Variants in IGFBP7 observed in about 807,000 individuals in gnomAD.
The protein encoded by IGFBP7 is insulin-like growth factor-binding protein 7.
Under a neutral mutation model 29.4 loss-of-function variants are expected in IGFBP7, and 31 were observed. The ratio of observed to expected loss-of-function variants is 1.05; its 90% CI spans 0.79 to 1.42. IGFBP7 has a LOEUF of 1.42. Ranked by LOEUF, IGFBP7 falls within the 40% of genes most tolerant of loss-of-function variation. IGFBP7 has a pLI of 0.00. For synonymous variants in IGFBP7, 172 were observed against 174.9 expected (o/e 0.98, Z 0.13); for missense variants, 393 against 395.5 (o/e 0.99, Z 0.05).
chr4:57,069,484 G>C (rs900523851), intron 1 of IGFBP7, among the ~76,000 whole-genome samples: 3 of 152,116 alleles, frequency 2.0e-5, no homozygotes, highest in Non-Finnish European at 4.4e-5. Flanking sequence ...GCCTGTCCTT[G>C]TGCTGTCTTT....
At chr4:57,045,586 A>T (rs935022553) in intron 1 of IGFBP7, among the ~76,000 whole-genome samples, 2 of 152,158 alleles carry the variant, frequency 1.3e-5, no homozygotes, top group Non-Finnish European at 2.9e-5. Context: ...CTGTGTTGGA[A>T]GAATCTGTAG....
intron 1 of IGFBP7, among the ~76,000 whole-genome samples, chr4:57,085,504 A>T (rs912808338): frequency 6.6e-6 from 1 of 152,186 alleles, no homozygotes; most frequent in Non-Finnish European, 1.5e-5. Flanking sequence ...TTTTCGAGTT[A>T]TTCTAATTTT....
chr4:57,050,193 TA>T (rs1724467842), intron 1 of IGFBP7, among the ~76,000 whole-genome samples: 1 of 152,054 alleles, frequency 6.6e-6, no homozygotes, highest in South Asian at 2.1e-4. Context: ...CATGCTGGGT[TA>T]TACTATTCAC....
rs896347160 is a variant in IGFBP7, at chr4:57,110,341, G to A, written c.11C>T (p.Pro4Leu). The change falls in exon 1 of 5, where the codon CCG (proline) becomes CTG (leucine). Residue 4 changes from proline to leucine, a missense_variant. Physicochemically the swap from Pro to Leu is moderately conservative, Grantham distance 98. Coordinates refer to ENST00000295666, the MANE Select transcript of IGFBP7 (RefSeq NM_001553.3). ...GCCGAGGAGCAGGGCGCGCAGCGACGGCCGCTCCATGGCGGGGTGCGGTGG... is the reference window on the plus strand; with the variant it reads ...GCCGAGGAGCAGGGCGCGCAGCGACAGCCGCTCCATGGCGGGGTGCGGTGG... Reference protein sequence around the residue: MERPSLRALLLGAA... With the variant: MERLSLRALLLGAA... 3.3e-5 allele frequency: 46 copies of A among 1,379,784 alleles called. 1 individual carries two copies. Among genetic ancestry groups the A allele is most frequent in the Non-Finnish European group, 4.1e-5 (44 of 1,064,854 alleles). The allele number at this position is 1,379,784 out of a possible 1,614,324, so 85.5% of individuals were successfully genotyped here.
At chr4:57,037,384 T>G (rs1015488456) in intron 2 of IGFBP7, among the ~76,000 whole-genome samples, 1 of 150,726 alleles carries the variant, frequency 6.6e-6, no homozygotes, top group Non-Finnish European at 1.5e-5. Flanking sequence ...GTTTTTTGGT[T>G]TTTTTTTTCA....
At chr4:57,042,602 C>T (rs938375074) in intron 1 of IGFBP7, among the ~76,000 whole-genome samples, 2 of 152,214 alleles carry the variant, frequency 1.3e-5, no homozygotes, top group African/African-American at 4.8e-5. Flanking sequence ...CCCACCTTGG[C>T]CTCCCAAAGT....
intron 1 of IGFBP7, among the ~76,000 whole-genome samples, chr4:57,067,271 C>T (rs1026618820): frequency 9.2e-5 from 14 of 152,266 alleles, no homozygotes; most frequent in African/African-American, 1.4e-4. Context: ...GACCCCAAAA[C>T]GTAAGCCTTA....
At chr4:57,039,460 A>AG (rs1262851824) in intron 2 of IGFBP7, among the ~76,000 whole-genome samples, 2 of 152,178 alleles carry the variant, frequency 1.3e-5, no homozygotes, top group East Asian at 3.9e-4. Context: ...TTCTCACGAC[A>AG]GGGGGGATGG....
intron 1 of IGFBP7, among the ~76,000 whole-genome samples, chr4:57,070,029 C>T (rs995438159): frequency 1.3e-5 from 2 of 152,080 alleles, no homozygotes; most frequent in South Asian, 2.1e-4. Flanking sequence ...TGCAGTGAGC[C>T]GGAATCGTGC....
chr4:57,075,153 A>T (rs1445817495), intron 1 of IGFBP7, among the ~76,000 whole-genome samples: 3 of 152,232 alleles, frequency 2.0e-5, no homozygotes, highest in Non-Finnish European at 4.4e-5. Flanking sequence ...GAATCCATTT[A>T]TTCATGCTAA....
intron 2 of IGFBP7, among the ~76,000 whole-genome samples, chr4:57,038,763 A>G (rs1271790262): frequency 1.3e-5 from 2 of 152,088 alleles, no homozygotes; most frequent in African/African-American, 4.8e-5. Flanking sequence ...AGCAATTCAA[A>G]ATGTATAAAA....
At chr4:57,069,656 C>G (rs1725010312) in intron 1 of IGFBP7, among the ~76,000 whole-genome samples, 1 of 151,800 alleles carries the variant, frequency 6.6e-6, no homozygotes, top group Non-Finnish European at 1.5e-5. Flanking sequence ...AGAGAAGGCC[C>G]TATCTCTAAA....
At chr4:57,086,364 T>A (rs1725498231) in intron 1 of IGFBP7, among the ~76,000 whole-genome samples, 1 of 152,034 alleles carries the variant, frequency 6.6e-6, no homozygotes, top group South Asian at 2.1e-4. Context: ...CGGCTGGGGG[T>A]TTTGAGAGTT....
chr4:57,077,426 T>G (rs1175167081), intron 1 of IGFBP7, among the ~76,000 whole-genome samples: 1 of 152,096 alleles, frequency 6.6e-6, no homozygotes, highest in Non-Finnish European at 1.5e-5. Flanking sequence ...TACAAGCACA[T>G]GCCACCATAC....
intron 1 of IGFBP7, among the ~76,000 whole-genome samples, chr4:57,043,938 T>C (rs749989793): frequency 6.6e-6 from 1 of 152,226 alleles, no homozygotes; most frequent in Non-Finnish European, 1.5e-5. Context: ...TTGAACTGCC[T>C]TCGCCCACCT....
chr4:57,058,034 G>A (rs1724714195), intron 1 of IGFBP7, among the ~76,000 whole-genome samples: 1 of 152,188 alleles, frequency 6.6e-6, no homozygotes, highest in Admixed American at 6.5e-5. Flanking sequence ...GGAGAACAGG[G>A]AGTCATGGTC....
At chr4:57,062,107 G>C (rs1043377685) in intron 1 of IGFBP7, among the ~76,000 whole-genome samples, 1 of 152,154 alleles carries the variant, frequency 6.6e-6, no homozygotes, top group Non-Finnish European at 1.5e-5. Flanking sequence ...AAATGGGGTG[G>C]GCAGGACATG....
intron 1 of IGFBP7, among the ~76,000 whole-genome samples, chr4:57,076,528 G>C (rs530831267): frequency 3.3e-5 from 5 of 152,222 alleles, no homozygotes; most frequent in African/African-American, 1.2e-4. Context: ...TCACCTTCGT[G>C]TAAGCGTATG....
At chr4:57,084,467 A>T (rs190643676) in intron 1 of IGFBP7, among the ~76,000 whole-genome samples, 1 of 152,224 alleles carries the variant, frequency 6.6e-6, no homozygotes, top group Admixed American at 6.5e-5. Context: ...AGTAAGTCAC[A>T]TGTTTATGCA....
Sources: allele counts gnomAD v4.1 joint callset (sites outside exome capture counted in the v4.1 genomes callset), GRCh38; gene constraint gnomAD v4.1.1; transcripts MANE v1.5; gene names NCBI Gene and HGNC (gene_info 2026-07-23, HGNC 2026-07-21).